The following SAMD5 variants were observed in gnomAD, a reference collection of about 807,000 sequenced individuals.
The protein encoded by SAMD5 is sterile alpha motif domain containing 5.
A neutral mutation model predicts 11.3 loss-of-function variants in SAMD5; 13 were observed. The ratio of observed to expected loss-of-function variants is 1.15; its 90% confidence interval spans 0.75 to 1.83. The LOEUF (loss-of-function observed/expected upper bound fraction) is 1.83. Among genes scored for constraint, SAMD5 ranks in the 40% most tolerant of loss-of-function variants. SAMD5 has a pLI of 0.00. For synonymous variants in SAMD5, 129 were observed against 111.3 expected, an observed-to-expected ratio of 1.16 and a Z score of -1.00; for missense variants, 255 against 239.1, an observed-to-expected ratio of 1.07 and a Z score of -0.44.
the SAMD5 span, among the ~76,000 whole-genome samples, chr6:147,744,899 C>CATTAAATAAATAAATA: frequency 7.3e-6 from 1 of 137,296 alleles, no homozygotes; most frequent in Non-Finnish European, 1.5e-5. Context: ...CTCTGTCTCA[C>CATTAAATAAATAAATA]AATAAATAAA....
At chr6:147,827,111 C>G in the SAMD5 span, among the ~76,000 whole-genome samples, 2 of 152,148 alleles carry the variant, frequency 1.3e-5, no homozygotes, top group Non-Finnish European at 2.9e-5. Flanking sequence ...GGAATTAGAA[C>G]AAGTAAATGC....
chr6:147,655,383 T>G (rs1790550743), intron 1 of SAMD5, among the ~76,000 whole-genome samples: 1 of 152,178 alleles, frequency 6.6e-6, no homozygotes, highest in African/African-American at 2.4e-5. Flanking sequence ...ACTAAAAAAT[T>G]CAATTATTTT....
chr6:147,916,367 C>G, the SAMD5 span, among the ~76,000 whole-genome samples: 1 of 152,108 alleles, frequency 6.6e-6, no homozygotes, highest in African/African-American at 2.4e-5. Context: ...ACAGTCCCAC[C>G]AACAGTGTAA....
intron 1 of SAMD5, among the ~76,000 whole-genome samples, chr6:147,561,886 A>G (rs765515236): frequency 2.6e-5 from 4 of 152,216 alleles, no homozygotes; most frequent in Non-Finnish European, 4.4e-5. Context: ...TCCTATGGTC[A>G]TGAAGCAACA....
chr6:147,767,614 T>G, the SAMD5 span, among the ~76,000 whole-genome samples: 1 of 152,172 alleles, frequency 6.6e-6, no homozygotes, highest in Admixed American at 6.5e-5. Flanking sequence ...ATGAGAGCTC[T>G]CTCTCTCCAT....
exon 2 of SAMD5, chr6:147,737,366 G>C: frequency 7.9e-7 from 1 of 1,264,650 alleles, no homozygotes; most frequent in Non-Finnish European, 1.0e-6. Context: ...CTGTTTATTG[G>C]AGCTGTGAAT....
the SAMD5 span, among the ~76,000 whole-genome samples, chr6:147,799,416 T>C: frequency 0.042 from 6,331 of 152,026 alleles, 162 homozygotes; most frequent in Non-Finnish European, 0.052. Context: ...TTCTGGCTTG[T>C]AGGGTTTCTG....
intron 1 of SAMD5, among the ~76,000 whole-genome samples, chr6:147,673,838 T>C (rs950457248): frequency 1.3e-5 from 2 of 152,134 alleles, no homozygotes; most frequent in Non-Finnish European, 2.9e-5. Flanking sequence ...GAGGGTTTAA[T>C]CTATGCAGGA....
the SAMD5 span, among the ~76,000 whole-genome samples, chr6:147,749,172 GTTT>G: frequency 1.5e-5 from 2 of 137,308 alleles, no homozygotes; most frequent in Admixed American, 7.3e-5. Context: ...TTTTTGTTTT[GTTT>G]TTTTTTTTTT....
At chr6:147,578,671 T>C (rs1165444614) in intron 1 of SAMD5, among the ~76,000 whole-genome samples, 2 of 152,120 alleles carry the variant, frequency 1.3e-5, no homozygotes, top group Non-Finnish European at 2.9e-5. Flanking sequence ...GGTACTAAAA[T>C]GCCTAAAAAA....
the SAMD5 span, among the ~76,000 whole-genome samples, chr6:147,830,525 G>C: frequency 6.6e-6 from 1 of 151,678 alleles, no homozygotes; most frequent in Admixed American, 6.6e-5. Context: ...CAAAGTGCTG[G>C]GATTACAGGT....
the SAMD5 span, among the ~76,000 whole-genome samples, chr6:147,868,262 A>C: frequency 6.6e-6 from 1 of 152,328 alleles, no homozygotes; most frequent in African/African-American, 2.4e-5. Context: ...TGAGGTCATT[A>C]TATGGATAAT....
At chr6:147,816,229 G>A in the SAMD5 span, among the ~76,000 whole-genome samples, 71 of 134,630 alleles carry the variant, frequency 5.3e-4, no homozygotes, top group African/African-American at 1.3e-3. Context: ...GCTGTGAGCC[G>A]AGATTGTGCC....
In SAMD5 at chr6:147,695,605, T is replaced by C. The variant is rs1015534497; in HGVS notation, c.163-41712T>C. 2.2e-4 allele frequency among the ~76,000 whole-genome samples: 34 copies of C among 152,364 alleles called. 1 individual carries two copies. Among genetic ancestry groups the C allele is most frequent in the African/African-American group, 7.9e-4 (33 of 41,592 alleles). ...CTCTTTAAAAAACTATCAGTGTTAT[T>C]CCATTCACTTATTCATCCAGTATTT... On this transcript the variant is annotated intron_variant, in intron 1 of 1. Coordinates refer to the SAMD5 transcript ENST00000566741.
chr6:147,751,520 A>G, the SAMD5 span, among the ~76,000 whole-genome samples: 3 of 152,356 alleles, frequency 2.0e-5, no homozygotes, highest in South Asian at 4.1e-4. Context: ...GGGATCCAAA[A>G]GAATTATTGC....
chr6:147,546,977 A>C (rs1788697233), intron 1 of SAMD5, among the ~76,000 whole-genome samples: 1 of 152,262 alleles, frequency 6.6e-6, no homozygotes, highest in African/African-American at 2.4e-5. Context: ...ACCTGAGAAT[A>C]ACACCATACA....
At chr6:147,813,123 T>C in the SAMD5 span, among the ~76,000 whole-genome samples, 2 of 152,194 alleles carry the variant, frequency 1.3e-5, no homozygotes, top group East Asian at 3.9e-4. Flanking sequence ...ATTTCTCTGC[T>C]TGTGTTAAAT....
chr6:147,792,941 G>T, the SAMD5 span, among the ~76,000 whole-genome samples: 1 of 152,134 alleles, frequency 6.6e-6, no homozygotes, highest in Non-Finnish European at 1.5e-5. Flanking sequence ...TTAAATAAAT[G>T]GAGACGAATA....
At chr6:147,595,047 C>T (rs17328123) in intron 1 of SAMD5, among the ~76,000 whole-genome samples, 1 of 152,172 alleles carries the variant, frequency 6.6e-6, no homozygotes, top group African/African-American at 2.4e-5. Flanking sequence ...CTTGCTGAAG[C>T]TATTAATTTT....
Sources: gnomAD v4.1 joint callset for allele counts (sites outside exome capture counted in the v4.1 genomes callset) on GRCh38, gnomAD v4.1.1 for gene constraint, MANE v1.5 for transcripts, NCBI Gene and HGNC (gene_info 2026-07-23, HGNC 2026-07-21) for gene names.